The following DLC1 variants were observed in gnomAD, a reference collection of about 807,000 sequenced individuals.
DLC1 encodes the protein rho GTPase-activating protein 7.
A neutral mutation model predicts 140.3 loss-of-function variants in DLC1; 54 were observed. That is an observed-to-expected ratio of 0.38 (90% confidence interval 0.31 to 0.48). The LOEUF is 0.48. DLC1 is among the 20% of genes least tolerant of loss of function. The pLI, the probability that DLC1 is intolerant of heterozygous loss-of-function variation, is 0.96. For missense variants in DLC1, 2,536 were observed against 1,907.0 expected (o/e 1.33, Z -6.14); for synonymous variants, 986 against 728.1 (o/e 1.35, Z -5.70).
At chr8:13,395,619 A>G (rs1423537293) in intron 3 of DLC1, among the ~76,000 whole-genome samples, 1 of 152,228 alleles carries the variant, frequency 6.6e-6, no homozygotes, top group Non-Finnish European at 1.5e-5. Flanking sequence ...TTCTCACAAT[A>G]GAAGTAATTT....
At chr8:13,362,996 A>G (rs1586210149) in intron 4 of DLC1, among the ~76,000 whole-genome samples, 1 of 152,266 alleles carries the variant, frequency 6.6e-6, no homozygotes, top group Non-Finnish European at 1.5e-5. Context: ...CAATGCGTGC[A>G]TTCATTTATT....
chr8:13,479,083 G>T (rs75592092), intron 2 of DLC1, among the ~76,000 whole-genome samples: 2,721 of 152,188 alleles, frequency 0.018, 87 homozygotes, highest in African/African-American at 0.061. Flanking sequence ...CCCCTTAGTT[G>T]GTTTACTGTT....
intron 5 of DLC1, among the ~76,000 whole-genome samples, chr8:13,163,217 A>C (rs1824854032): frequency 6.6e-6 from 1 of 152,198 alleles, no homozygotes; most frequent in African/African-American, 2.4e-5. Flanking sequence ...ATAAGTTAAA[A>C]TTGCAATATC....
chr8:13,228,422 C>CAATTAT (rs1828894965), intron 5 of DLC1, among the ~76,000 whole-genome samples: 1 of 151,914 alleles, frequency 6.6e-6, no homozygotes, highest in South Asian at 2.1e-4. Flanking sequence ...TCTCATAACT[C>CAATTAT]AATTATAAAA....
chr8:13,603,599 C>T (rs1274715411), intron 1 of DLC1, among the ~76,000 whole-genome samples: 1 of 152,056 alleles, frequency 6.6e-6, no homozygotes, highest in Non-Finnish European at 1.5e-5. Flanking sequence ...TCTTCGCTCT[C>T]TACATCATAG....
chr8:13,252,919 G>C (rs537694103), intron 5 of DLC1, among the ~76,000 whole-genome samples: 1 of 152,302 alleles, frequency 6.6e-6, no homozygotes, highest in South Asian at 2.1e-4. Context: ...GTTTTATCAA[G>C]AACCCAAACA....
At chr8:13,120,712 A>C (rs569242107) in intron 5 of DLC1, among the ~76,000 whole-genome samples, 1 of 152,196 alleles carries the variant, frequency 6.6e-6, no homozygotes, top group South Asian at 2.1e-4. Flanking sequence ...GGAAACAGGA[A>C]ATTTTTATTG....
intron 5 of DLC1, among the ~76,000 whole-genome samples, chr8:13,291,156 G>A (rs968219108): frequency 3.3e-5 from 5 of 152,140 alleles, no homozygotes; most frequent in African/African-American, 7.2e-5. Context: ...TGATCTGCCC[G>A]CCTCAGCCTC....
intron 2 of DLC1, among the ~76,000 whole-genome samples, chr8:13,453,435 T>C (rs183828576): frequency 3.0e-5 from 1 of 33,644 alleles, no homozygotes; most frequent in Non-Finnish European, 5.5e-5. Flanking sequence ...TGTATATATA[T>C]ATGTATATAT....
At chr8:13,199,374 A>T (rs996718998) in intron 5 of DLC1, among the ~76,000 whole-genome samples, 2 of 151,672 alleles carry the variant, frequency 1.3e-5, no homozygotes, top group Non-Finnish European at 2.9e-5. Flanking sequence ...TTGTAGATGG[A>T]GATCTTGCCA....
intron 2 of DLC1, among the ~76,000 whole-genome samples, chr8:13,451,057 A>AAAAAAAAAAAAAAAAAAAAAAAAAT (rs1799024334): frequency 6.7e-6 from 1 of 148,232 alleles, no homozygotes; most frequent in Non-Finnish European, 1.5e-5. Context: ...AAAAAAAAAA[A>AAAAAAAAAAAAAAAAAAAAAAAAAT]AAAAAAAAAA....
intron 1 of DLC1, among the ~76,000 whole-genome samples, chr8:13,503,442 T>G (rs149033845): frequency 6.6e-6 from 1 of 152,166 alleles, no homozygotes; most frequent in South Asian, 2.1e-4. Flanking sequence ...TATTTAACAA[T>G]TGGAGACATT....
At chr8:13,489,734 A>C (rs1025489054) in intron 2 of DLC1, among the ~76,000 whole-genome samples, 3 of 152,158 alleles carry the variant, frequency 2.0e-5, no homozygotes, top group African/African-American at 7.2e-5. Flanking sequence ...ATCTGTGGAC[A>C]CTTAACCCTG....
At chr8:13,295,532 A>G (rs777088994) in intron 5 of DLC1, among the ~76,000 whole-genome samples, 1 of 152,234 alleles carries the variant, frequency 6.6e-6, no homozygotes, top group Non-Finnish European at 1.5e-5. Context: ...ATGGTTGTTA[A>G]TAACTCTTTA....
chr8:13,451,485 C>G (rs1189813940), intron 2 of DLC1, among the ~76,000 whole-genome samples: 1 of 152,066 alleles, frequency 6.6e-6, no homozygotes. Context: ...TTTTTATACT[C>G]CTTAACCATC....
chr8:13,099,497 G>C lies in DLC1; in HGVS notation c.2840C>G (p.Pro947Arg), dbSNP rs1268634335. ...GTCCACATCCAGGTGTATCTGTTTT[G>C]GAGAGGACGGGCAGGGAGAGACCGA... ...LDSVSPCPSS[P>R]KQIHLDVDND... Residue 947 changes from proline to arginine, a missense_variant, in exon 9 of 18, where the codon CCA (proline) becomes CGA (arginine). Transcript: ENST00000276297. 2.5e-6 allele frequency: 4 copies of C among 1,614,130 alleles called. No homozygotes were observed. Among genetic ancestry groups the C allele is most frequent in the Middle Eastern group, 3.3e-4 (2 of 6,062 alleles).
chr8:13,393,764 G>C, intron 3 of DLC1, 71 bp from the exon 4 acceptor site: 1 of 1,536,270 alleles, frequency 6.5e-7, no homozygotes, highest in African/African-American at 1.4e-5. Flanking sequence ...CCTACCACCA[G>C]AACTTTGTCA....
At chr8:13,344,802 G>A (rs1317620186) in intron 4 of DLC1, among the ~76,000 whole-genome samples, 1 of 152,184 alleles carries the variant, frequency 6.6e-6, no homozygotes, top group African/African-American at 2.4e-5. Context: ...TGAAAGGAAA[G>A]AGAGCAATAA....
intron 4 of DLC1, among the ~76,000 whole-genome samples, chr8:13,351,148 G>A (rs956621794): frequency 5.3e-5 from 8 of 152,154 alleles, no homozygotes; most frequent in Admixed American, 2.6e-4. Context: ...TTCAAATAAC[G>A]AGGCTATTTA....
Sources: gnomAD v4.1 joint callset for allele counts (sites outside exome capture counted in the v4.1 genomes callset) on GRCh38, gnomAD v4.1.1 for gene constraint, MANE v1.5 for transcripts, NCBI Gene and HGNC (gene_info 2026-07-23, HGNC 2026-07-21) for gene names.